Variants in NGLY1 observed in about 807,000 individuals in gnomAD.
The protein encoded by NGLY1 is N-glycanase 1, also known as peptide-N(4)-(N-acetyl-beta-glucosaminyl)asparagine amidase.
Under a neutral mutation model 84.6 loss-of-function variants are expected in NGLY1, and 68 were observed. The ratio of observed to expected loss-of-function variants is 0.80; its 90% confidence interval spans 0.66 to 0.98. The LOEUF is 0.98. Ranked by LOEUF, NGLY1 falls within the 50% of genes least tolerant of loss-of-function variation. The pLI is 0.00. For missense variants in NGLY1, 779 were observed against 770.2 expected, an observed-to-expected ratio of 1.01 and a Z score of -0.14; for synonymous variants, 280 against 275.2, an observed-to-expected ratio of 1.02 and a Z score of -0.17.
At chr3:25,749,088 A>G (rs1222725994) in intron 4 of NGLY1, among the ~76,000 whole-genome samples, 1 of 152,196 alleles carries the variant, frequency 6.6e-6, no homozygotes, top group Non-Finnish European at 1.5e-5. Flanking sequence ...GAAAAATCAG[A>G]AAATAATAAG....
intron 3 of NGLY1, among the ~76,000 whole-genome samples, chr3:25,751,650 A>C (rs150333553): frequency 6.6e-6 from 1 of 152,356 alleles, no homozygotes; most frequent in East Asian, 1.9e-4. Flanking sequence ...AATTTTGAGA[A>C]GTTCCTGAAA....
At chr3:25,749,677 CAAAAA>C in intron 4 of NGLY1, 1 of 1,566,670 alleles carries the variant, frequency 6.4e-7, no homozygotes, top group South Asian at 1.1e-5. Flanking sequence ...ATGGGAGCAA[CAAAAA>C]AACAAAGCAC....
chr3:25,753,976 T>C (rs1197109658), intron 3 of NGLY1, among the ~76,000 whole-genome samples: 2 of 152,134 alleles, frequency 1.3e-5, no homozygotes, highest in African/African-American at 2.4e-5. Context: ...TTAAGGTCTA[T>C]AGGGAAAAGG....
chr3:25,736,029 T>C lies in NGLY1; in HGVS notation c.1124A>G (p.Tyr375Cys), dbSNP rs761852896. 1.2e-6 allele frequency: 2 copies of C among 1,613,568 alleles called. No individual in the cohort carries two copies. ...YEIGWGKKLSYVIAFSKDEVV... is the reference protein window; with the variant it reads ...YEIGWGKKLSCVIAFSKDEVV... ...CTCATCTTTTGAAAATGCTATGACA[T>C]AGGAAAGCTTCTTGCCCCATCCTAT... The change falls in exon 7 of 12, where the codon TAT becomes TGT. Residue 375 changes from tyrosine (Y) to cysteine (C), a missense_variant. Tyr to Cys is a radical substitution (Grantham distance 194, BLOSUM62 -2). Coordinates refer to ENST00000280700, the MANE Select transcript of NGLY1 (RefSeq NM_018297.4).
upstream of NGLY1, among the ~76,000 whole-genome samples, chr3:25,783,855 T>C (rs1575672425): frequency 6.7e-6 from 1 of 150,082 alleles, no homozygotes; most frequent in Non-Finnish European, 1.5e-5. This position sits in a 1 kb window ranked among gnomAD's most constrained non-coding sequence, Gnocchi z 4.5. Context: ...GGATGTCGAG[T>C]CCTTTAGGAC....
intron 10 of NGLY1, among the ~76,000 whole-genome samples, chr3:25,727,809 C>T (rs1705335407): frequency 2.0e-5 from 3 of 152,164 alleles, no homozygotes; most frequent in Non-Finnish European, 4.4e-5. Flanking sequence ...TCACTATTTT[C>T]CCCATCATTA....
intron 5 of NGLY1, among the ~76,000 whole-genome samples, chr3:25,738,381 A>G (rs932305664): frequency 3.9e-5 from 6 of 152,106 alleles, no homozygotes; most frequent in African/African-American, 1.2e-4. Context: ...AAGTTACTCC[A>G]ATTATAAAAT....
Position 25,730,856 on chromosome 3 carries a change from G to A in NGLY1, c.1425+1463C>T, listed in dbSNP as rs765697186. On this transcript the variant is annotated intron_variant, in intron 9 of 11. Coordinates refer to ENST00000280700, the MANE Select transcript of NGLY1 (RefSeq NM_018297.4). ...TGGAACTGCTTGATACTGATATTGTGATGAGTTATTTTTCTTTCAAGCATT... is the reference window on the plus strand; with the variant it reads ...TGGAACTGCTTGATACTGATATTGTAATGAGTTATTTTTCTTTCAAGCATT... Among the ~76,000 whole-genome samples the A allele has an allele frequency of 2.6e-5, 4 of 152,014 alleles. No individual in the cohort carries two copies. In the South Asian group the frequency reaches 6.2e-4, roughly 24 times the overall value.
At chr3:25,783,626 C>T (rs1241495416), upstream of NGLY1, 1 of 71,516 alleles carries the variant, frequency 1.4e-5, no homozygotes, top group Non-Finnish European at 2.7e-5. The surrounding 1 kb of genome is among the most constrained non-coding windows in gnomAD (Gnocchi z 4.5). Flanking sequence ...GGGGCGGGGT[C>T]GGGGACCGGG....
intron 4 of NGLY1, among the ~76,000 whole-genome samples, chr3:25,740,057 G>A (rs1706051811): frequency 6.6e-6 from 1 of 152,138 alleles, no homozygotes; most frequent in Admixed American, 6.5e-5. Flanking sequence ...ATTAACAAGT[G>A]AGCTGAACAC....
At chr3:25,774,798 A>G (rs1708079000) in intron 2 of NGLY1, among the ~76,000 whole-genome samples, 1 of 147,604 alleles carries the variant, frequency 6.8e-6, no homozygotes, top group Non-Finnish European at 1.5e-5. Context: ...CAGTATCTGC[A>G]TTTCCCATTT....
intron 2 of NGLY1, among the ~76,000 whole-genome samples, chr3:25,776,356 G>C (rs762663533): frequency 6.6e-6 from 1 of 152,168 alleles, no homozygotes; most frequent in African/African-American, 2.4e-5. Context: ...GTGACACTTC[G>C]ACATGAGAAA....
chr3:25,770,531 C>A (rs1365083263), intron 2 of NGLY1, among the ~76,000 whole-genome samples: 3 of 152,158 alleles, frequency 2.0e-5, no homozygotes, highest in Non-Finnish European at 4.4e-5. Flanking sequence ...TAAAAACATG[C>A]GTGTGCAAGT....
In NGLY1 at chr3:25,783,140, C is replaced by T; in HGVS notation, c.131+120G>A. The stretch of plus-strand genomic sequence containing the variant: ...TTAGGAGCAGAACCAGCTCCAGGTC[C>T]CGGTCTGTCCGGGCGTCGCTGCCCT... On this transcript the variant is annotated intron_variant, in intron 1 of 11. Transcript: ENST00000280700. The surrounding 1 kb of genome is among the most constrained non-coding windows in gnomAD (Gnocchi z 4.5). The T allele has an allele frequency of 2.2e-6, 2 of 926,586 alleles. No individual in the cohort carries two copies. Among genetic ancestry groups the T allele is most frequent in the South Asian group, 1.6e-5 (1 of 61,108 alleles). The allele number at this position is 926,586 out of a possible 1,614,324, so 57.4% of individuals were successfully genotyped here. A position where few individuals can be genotyped will look rare whatever the true frequency, so the allele number is the denominator to read the frequency against.
chr3:25,765,151 C>T (rs1166627244), intron 2 of NGLY1, among the ~76,000 whole-genome samples: 1 of 152,162 alleles, frequency 6.6e-6, no homozygotes, highest in African/African-American at 2.4e-5. Flanking sequence ...AGTAATTTCT[C>T]CAACTGCAAA....
intron 4 of NGLY1, 57 bp from the exon 5 acceptor site, chr3:25,739,856 C>T (rs1706041278): frequency 1.6e-6 from 2 of 1,277,824 alleles, no homozygotes; most frequent in South Asian, 1.3e-5. Context: ...TTAAACTATC[C>T]AAACATATTT....
At chr3:25,779,164 C>G (rs950726395) in intron 1 of NGLY1, among the ~76,000 whole-genome samples, 2 of 151,814 alleles carry the variant, frequency 1.3e-5, no homozygotes, top group South Asian at 4.2e-4. Context: ...CTCGAACTCT[C>G]GACCTCAGGT....
chr3:25,788,138 T>TA (rs1708644297), upstream of NGLY1, among the ~76,000 whole-genome samples: 1 of 152,336 alleles, frequency 6.6e-6, no homozygotes, highest in South Asian at 2.1e-4. Context: ...GCCATACCTC[T>TA]ACTCATTTTT....
intron 3 of NGLY1, among the ~76,000 whole-genome samples, chr3:25,763,781 A>G (rs1707426136): frequency 6.6e-6 from 1 of 152,202 alleles, no homozygotes; most frequent in Admixed American, 6.5e-5. Flanking sequence ...CCTTAAACCT[A>G]AAGAAGCTTT....
Sources: gnomAD v4.1 joint callset for allele counts (sites outside exome capture counted in the v4.1 genomes callset) on GRCh38, gnomAD v4.1.1 for gene constraint, Gnocchi (gnomAD v3.1) non-coding constraint, MANE v1.5 for transcripts, NCBI Gene and HGNC (gene_info 2026-07-23, HGNC 2026-07-21) for gene names.